ARHGEF38: variants seen among roughly 807,000 people sequenced by gnomAD.
The protein encoded by ARHGEF38 is Rho guanine nucleotide exchange factor 38.
Under a neutral mutation model 79.9 loss-of-function variants are expected in ARHGEF38, and 79 were observed. The observed-to-expected ratio is 0.99, with a 90% CI of 0.82 to 1.19. The LOEUF is 1.19. ARHGEF38 is among the 50% of genes most tolerant of loss of function. The pLI is 0.00. For missense variants in ARHGEF38, 962 were observed against 907.2 expected (o/e 1.06, Z -0.78); for synonymous variants, 366 against 328.3 (o/e 1.11, Z -1.24).
intron 1 of ARHGEF38, among the ~76,000 whole-genome samples, chr4:105,583,913 T>A (rs1726913631): frequency 1.3e-5 from 2 of 152,226 alleles, no homozygotes; most frequent in African/African-American, 4.8e-5. Flanking sequence ...TTTATTGATG[T>A]CTCTTTCTTT....
intron 7 of ARHGEF38, among the ~76,000 whole-genome samples, chr4:105,653,181 T>C (rs1374446678): frequency 6.6e-6 from 1 of 152,156 alleles, no homozygotes; most frequent in East Asian, 1.9e-4. Flanking sequence ...TGAATTCTAA[T>C]GGATGTACAT....
At chr4:105,674,080 T>C (rs1389138395) in intron 13 of ARHGEF38, among the ~76,000 whole-genome samples, 1 of 152,144 alleles carries the variant, frequency 6.6e-6, no homozygotes, top group East Asian at 1.9e-4. Context: ...AGTCAGGTAA[T>C]GTGGCTCACG....
At position 105,666,216 on chromosome 4, in the gene ARHGEF38, C is replaced by A; in HGVS notation, c.1585C>A (p.Gln529Lys). 3 of 1,531,580 alleles carry A rather than the reference C, an allele frequency of 2.0e-6. No individual in the cohort carries two copies. The highest frequency in any genetic ancestry group is 3.4e-4 in the Middle Eastern group (2 of 5,968). The allele number at this position is 1,531,580 out of a possible 1,614,324, so 94.9% of individuals were successfully genotyped here. A position where few individuals can be genotyped will look rare whatever the true frequency, so the allele number is the denominator to read the frequency against. The stretch of plus-strand genomic sequence containing the variant: ...TTCAAGCATTTCTGAGATTCAGAAT[C>A]AAGTACTAGAAGAGATCCAAAATTT... ...LVSSISEIQN[Q>K]VLEEIQNLNC... Residue 529 changes from glutamine to lysine, a missense_variant, in exon 11 of 14, where the codon CAA becomes AAA. Physicochemically the swap from Gln to Lys is moderately conservative, Grantham distance 53. Transcript: ENST00000420470.
At chr4:105,594,948 T>C (rs1211681268) in intron 2 of ARHGEF38, among the ~76,000 whole-genome samples, 1 of 152,210 alleles carries the variant, frequency 6.6e-6, no homozygotes. Context: ...CAGTGAGAGA[T>C]ACTCTATGTT....
At chr4:105,569,488 G>A (rs1435927335) in intron 1 of ARHGEF38, among the ~76,000 whole-genome samples, 1 of 152,190 alleles carries the variant, frequency 6.6e-6, no homozygotes, top group African/African-American at 2.4e-5. Flanking sequence ...AGCAGGTGTA[G>A]CCATTCACAA....
chr4:105,648,628 G>T lies in ARHGEF38; in HGVS notation c.954G>T (p.Lys318Asn). Residue 318 changes from lysine to asparagine, a missense_variant, in exon 7 of 14, where the codon AAG (lysine) becomes AAT (asparagine). Coordinates refer to ENST00000420470, the MANE Select transcript of ARHGEF38 (RefSeq NM_001242729.2). ...LSKLNIHSIS[K>N]KSKRVTNHLK... ...AACTAAATATTCATTCAATTAGCAA[G>T]AAATCAAAAAGAGTGACAAATCATC... 6.5e-7 allele frequency: 1 copy of T among 1,532,802 alleles called. No individual in the cohort carries two copies. Among genetic ancestry groups the T allele is most frequent in the Non-Finnish European group, 8.7e-7 (1 of 1,145,584 alleles). 95.0% of individuals were successfully genotyped at this position (1,532,802 alleles called of 1,614,324 possible).
chr4:105,563,442 A>G (rs1177245228), intron 1 of ARHGEF38: 2 of 152,234 alleles, frequency 1.3e-5, no homozygotes, highest in Admixed American at 1.3e-4. Flanking sequence ...CATCTGTAGT[A>G]GGCACTTAGG....
chr4:105,573,789 A>G (rs1362529964), intron 1 of ARHGEF38, among the ~76,000 whole-genome samples: 1 of 151,742 alleles, frequency 6.6e-6, no homozygotes, highest in Admixed American at 6.6e-5. Flanking sequence ...TAAAGATTGC[A>G]TAGAATCTGT....
chr4:105,681,094 A>T (rs1490591803), downstream of ARHGEF38: 9 of 152,126 alleles, frequency 5.9e-5, no homozygotes, highest in African/African-American at 2.2e-4. Flanking sequence ...TTTTATCAAA[A>T]TAAATCTGTT....
At position 105,680,082 on chromosome 4, in the gene ARHGEF38, C is replaced by T; in HGVS notation, c.*2145C>T. On this transcript the variant is annotated 3_prime_UTR_variant, in exon 14 of 14. Transcript: ENST00000420470. ...GCCCTCCCTTCAGATCCACTGTAGA[C>T]TTGAAGGACATCTCATTTTCATCTG... The T allele has an allele frequency of 1.3e-6, 1 of 764,402 alleles. No individual in the cohort carries two copies. Among genetic ancestry groups the T allele is most frequent in the Non-Finnish European group, 2.4e-6 (1 of 413,396 alleles). 47.4% of individuals were successfully genotyped at this position (764,402 alleles called of 1,614,324 possible).
Position 105,677,782 on chromosome 4 carries a change from CG to C in ARHGEF38, c.2181del (p.Ser728ValfsTer21). On this transcript the variant is annotated frameshift_variant, in exon 14 of 14. Coordinates refer to ENST00000420470, the MANE Select transcript of ARHGEF38 (RefSeq NM_001242729.2). LOFTEE classifies it high-confidence loss of function. ...IFYAVHAFQA[R>X]SDHELSLQEY... The stretch of plus-strand genomic sequence containing the variant: ...CTATGCAGTTCATGCTTTTCAAGCA[CG>C]GAGTGACCATGAACTCAGCCTTCAG... 6.6e-7 allele frequency: 1 copy of C among 1,518,276 alleles called. No individual in the cohort carries two copies. The highest frequency in any genetic ancestry group is 1.2e-5 in the South Asian group (1 of 81,140). The allele number at this position is 1,518,276 out of a possible 1,614,324, so 94.1% of individuals were successfully genotyped here.
At chr4:105,671,550 G>A (rs979770349) in intron 13 of ARHGEF38, among the ~76,000 whole-genome samples, 2 of 152,170 alleles carry the variant, frequency 1.3e-5, no homozygotes, top group Admixed American at 6.5e-5. Context: ...CCCCAGGGCC[G>A]ATGTTTCTAT....
chr4:105,667,896 A>C (rs1015566011), intron 13 of ARHGEF38, among the ~76,000 whole-genome samples, 193 bp downstream of exon 13: 8 of 152,186 alleles, frequency 5.3e-5, no homozygotes, highest in African/African-American at 1.9e-4. Flanking sequence ...TGAAGCAAAG[A>C]ATTAGAGATA....
intron 9 of ARHGEF38, among the ~76,000 whole-genome samples, chr4:105,658,265 C>T (rs1202769434): frequency 2.0e-5 from 3 of 152,122 alleles, no homozygotes; most frequent in Non-Finnish European, 4.4e-5. Flanking sequence ...AAAAATTAGC[C>T]AAGCGTGGTG....
chr4:105,569,789 T>C (rs766037903), intron 1 of ARHGEF38: 10 of 152,226 alleles, frequency 6.6e-5, no homozygotes, highest in Non-Finnish European at 1.3e-4. Flanking sequence ...ATACATCTTA[T>C]TGTGTTTTTG....
At chr4:105,575,417 G>A (rs887108904) in intron 1 of ARHGEF38, among the ~76,000 whole-genome samples, 2 of 152,064 alleles carry the variant, frequency 1.3e-5, no homozygotes, top group African/African-American at 4.8e-5. Context: ...CTGATGTTGA[G>A]CATTTTTTCA....
At chr4:105,671,524 A>G (rs1730957719) in intron 13 of ARHGEF38, among the ~76,000 whole-genome samples, 1 of 152,210 alleles carries the variant, frequency 6.6e-6, no homozygotes. Context: ...GGAGTATATT[A>G]TGTGCCTAAT....
chr4:105,581,858 G>T (rs1044896716), intron 1 of ARHGEF38, among the ~76,000 whole-genome samples: 2 of 151,792 alleles, frequency 1.3e-5, no homozygotes, highest in African/African-American at 2.4e-5. Flanking sequence ...TGTGTTTTAG[G>T]ATTTCTTAAA....
chr4:105,671,962 T>G (rs1730971085), intron 13 of ARHGEF38, among the ~76,000 whole-genome samples: 1 of 152,166 alleles, frequency 6.6e-6, no homozygotes, highest in Non-Finnish European at 1.5e-5. Flanking sequence ...TCTGGATTTA[T>G]TGATGGGTCT....
Sources: gnomAD v4.1 joint callset for allele counts (sites outside exome capture counted in the v4.1 genomes callset) on GRCh38, gnomAD v4.1.1 for gene constraint, MANE v1.5 for transcripts, NCBI Gene and HGNC (gene_info 2026-07-23, HGNC 2026-07-21) for gene names.